The following PTPRD variants were observed in gnomAD, a reference collection of about 807,000 sequenced individuals.
PTPRD encodes receptor-type tyrosine-protein phosphatase delta.
Under a neutral mutation model 214.5 loss-of-function variants are expected in PTPRD, and 34 were observed. The observed-to-expected ratio is 0.16, with a 90% CI of 0.12 to 0.21. PTPRD has a LOEUF of 0.21. Ranked by LOEUF, PTPRD falls within the 10% of genes least tolerant of loss-of-function variation. The pLI, the probability that PTPRD is intolerant of heterozygous loss-of-function variation, is 1.00. For synonymous variants in PTPRD, 1,128 were observed against 845.7 expected (o/e 1.33, Z -5.79); for missense variants, 2,545 against 2,398.7 (o/e 1.06, Z -1.27).
intron 3 of PTPRD, among the ~76,000 whole-genome samples, chr9:10,162,969 A>G (rs928857799): frequency 6.6e-6 from 1 of 150,984 alleles, no homozygotes; most frequent in African/African-American, 2.4e-5. Flanking sequence ...AAAGGAATAT[A>G]TAATGGAAAT....
At chr9:9,648,671 C>T (rs934874467) in intron 7 of PTPRD, among the ~76,000 whole-genome samples, 1 of 152,096 alleles carries the variant, frequency 6.6e-6, no homozygotes, top group Non-Finnish European at 1.5e-5. Flanking sequence ...CATATTTTGT[C>T]TATATTTATT....
In PTPRD at chr9:8,906,522, C is replaced by T. The variant is rs76956873; in HGVS notation, c.-104+112175G>A. 1.1e-3 allele frequency among the ~76,000 whole-genome samples: 163 copies of T among 152,280 alleles called. 1 individual carries two copies. The highest frequency in any genetic ancestry group is 3.5e-3 in the African/African-American group (146 of 41,560). On this transcript the variant is annotated intron_variant, in intron 11 of 45. Coordinates refer to ENST00000381196, the MANE Select transcript of PTPRD (RefSeq NM_002839.4). ...ATGAGATAATGCTATGATACACTGA[C>T]GTACTACATTGTAAGAAATATTTAA...
intron 9 of PTPRD, among the ~76,000 whole-genome samples, chr9:9,189,491 C>G (rs567437691): frequency 4.6e-5 from 7 of 152,204 alleles, no homozygotes; most frequent in African/African-American, 1.7e-4. Context: ...CAGAACCCAT[C>G]AGGGTTTATC....
intron 4 of PTPRD, among the ~76,000 whole-genome samples, chr9:10,006,273 G>C (rs2096473496): frequency 6.6e-6 from 1 of 151,946 alleles, no homozygotes; most frequent in Admixed American, 6.6e-5. Context: ...CTTAGCATTT[G>C]ATACAAGCCT....
intron 25 of PTPRD, 87 bp downstream of exon 25, chr9:8,499,560 G>A (rs995233238): frequency 6.9e-5 from 98 of 1,428,722 alleles, no homozygotes; most frequent in Middle Eastern, 2.5e-4. Flanking sequence ...TTTAAATGTC[G>A]AAAAACTAAA....
intron 3 of PTPRD, among the ~76,000 whole-genome samples, chr9:10,090,221 CA>C (rs1448436964): frequency 2.0e-5 from 3 of 151,566 alleles, no homozygotes; most frequent in African/African-American, 7.3e-5. Flanking sequence ...TTCTAAACAA[CA>C]GTGTCAAAAA....
intron 2 of PTPRD, among the ~76,000 whole-genome samples, chr9:10,520,890 C>T (rs2051998889): frequency 1.3e-5 from 2 of 151,600 alleles, no homozygotes; most frequent in African/African-American, 4.8e-5. Context: ...CAGAGAAAAA[C>T]AGATTCCTTT....
At chr9:10,270,629 G>T (rs1414419260) in intron 3 of PTPRD, among the ~76,000 whole-genome samples, 2 of 151,952 alleles carry the variant, frequency 1.3e-5, no homozygotes, top group Admixed American at 1.3e-4. Flanking sequence ...AACACTTCAG[G>T]CTCAATAATG....
intron 3 of PTPRD, among the ~76,000 whole-genome samples, chr9:10,262,888 C>T (rs886413920): frequency 1.3e-5 from 2 of 152,132 alleles, no homozygotes; most frequent in African/African-American, 4.8e-5. Flanking sequence ...ATAATTCCCA[C>T]ATGTTGTGGG....
At chr9:8,608,590 G>A (rs1264140526) in intron 14 of PTPRD, among the ~76,000 whole-genome samples, 1 of 150,030 alleles carries the variant, frequency 6.7e-6, no homozygotes, top group Non-Finnish European at 1.5e-5. Flanking sequence ...CTGCTCCAGG[G>A]CAGCAGGGAA....
At chr9:9,126,107 G>A (rs1467362974) in intron 10 of PTPRD, among the ~76,000 whole-genome samples, 1 of 152,148 alleles carries the variant, frequency 6.6e-6, no homozygotes, top group African/African-American at 2.4e-5. Context: ...AGCTTTTAAA[G>A]GAAAGCTAGG....
In PTPRD at chr9:10,460,033, G is replaced by C. The variant is rs566002462; in HGVS notation, c.-599-119016C>G. Among the ~76,000 whole-genome samples the C allele has an allele frequency of 5.9e-5, 9 of 152,136 alleles. 1 individual carries two copies. The highest frequency in any genetic ancestry group is 4.2e-4 in the South Asian group (2 of 4,816). ...ATACATTCATAATGTTGTGTAGTCA[G>C]AGAGTTTCGGAGATGGATGGCGGTG... On this transcript the variant is annotated intron_variant, in intron 2 of 45. Coordinates refer to ENST00000381196, the MANE Select transcript of PTPRD (RefSeq NM_002839.4).
At chr9:8,813,812 T>C (rs2096866046) in intron 11 of PTPRD, among the ~76,000 whole-genome samples, 1 of 152,240 alleles carries the variant, frequency 6.6e-6, no homozygotes, top group Non-Finnish European at 1.5e-5. Context: ...TGCTGTCTAA[T>C]ATCACAGAAA....
Position 8,912,666 on chromosome 9 carries a change from G to C in PTPRD, c.-104+106031C>G, listed in dbSNP as rs755779375. 2.0e-5 allele frequency among the ~76,000 whole-genome samples: 3 copies of C among 151,814 alleles called. No homozygotes were observed. In the South Asian group the frequency reaches 6.2e-4, roughly 32 times the overall value. On this transcript the variant is annotated intron_variant, in intron 11 of 45. Coordinates refer to ENST00000381196, the MANE Select transcript of PTPRD (RefSeq NM_002839.4). ...ATAAAGCTATTAAAATTAGAGAAAA[G>C]GTTTTACTAAAAATAAAGACAATGG...
At chr9:9,949,761 G>A (rs1440790000) in intron 4 of PTPRD, among the ~76,000 whole-genome samples, 1 of 152,120 alleles carries the variant, frequency 6.6e-6, no homozygotes, top group Non-Finnish European at 1.5e-5. Context: ...TGTAGACTCA[G>A]GTCATGTGTT....
intron 2 of PTPRD, among the ~76,000 whole-genome samples, chr9:10,366,245 C>A (rs2097513965): frequency 6.6e-6 from 1 of 152,116 alleles, no homozygotes; most frequent in African/African-American, 2.4e-5. Context: ...TGATCTCTTT[C>A]TGGAAACCCA....
Position 8,636,343 on chromosome 9 carries a change from G to A in PTPRD, c.210+356C>T, listed in dbSNP as rs147406220. Among the ~76,000 whole-genome samples, 6 of 152,240 alleles carry A rather than the reference G, an allele frequency of 3.9e-5. No homozygotes were observed. The East Asian group carries it at 9.7e-4, about 25-fold the overall frequency. ...ATTGTCTCAGGGATGCACAAGTAAC[G>A]TAATAGGAGCCAATGGGATGAGAGG... On this transcript the variant is annotated intron_variant, in intron 13 of 45. Coordinates refer to ENST00000381196, the MANE Select transcript of PTPRD (RefSeq NM_002839.4).
intron 30 of PTPRD, among the ~76,000 whole-genome samples, chr9:8,480,557 T>C (rs1275152699): frequency 1.3e-5 from 2 of 152,204 alleles, no homozygotes; most frequent in Non-Finnish European, 2.9e-5. Context: ...ACTATTAGGG[T>C]ATGTGATCAA....
intron 3 of PTPRD, among the ~76,000 whole-genome samples, chr9:10,175,878 A>G (rs973920480): frequency 8.2e-4 from 125 of 152,146 alleles, no homozygotes; most frequent in African/African-American, 3.0e-3. Context: ...ATTAAAATAA[A>G]TCTCCACATG....
Sources: allele counts gnomAD v4.1 joint callset (sites outside exome capture counted in the v4.1 genomes callset), GRCh38; gene constraint gnomAD v4.1.1; transcripts MANE v1.5; gene names NCBI Gene and HGNC (gene_info 2026-07-23, HGNC 2026-07-21).